Variants in SGCZ observed in about 807,000 individuals in gnomAD.
The protein encoded by SGCZ is zeta-sarcoglycan.
A neutral mutation model predicts 41.3 loss-of-function variants in SGCZ; 40 were observed. The ratio of observed to expected loss-of-function variants is 0.97; its 90% CI spans 0.75 to 1.26. SGCZ has a LOEUF of 1.26. SGCZ is among the 50% of genes most tolerant of loss of function. The pLI is 0.00. For missense variants in SGCZ, 552 were observed against 369.8 expected (o/e 1.49, Z -4.04); for synonymous variants, 206 against 137.5 (o/e 1.50, Z -3.49).
intron 2 of SGCZ, among the ~76,000 whole-genome samples, chr8:14,377,424 C>T (rs987464752): frequency 1.3e-5 from 2 of 151,986 alleles, no homozygotes; most frequent in Non-Finnish European, 2.9e-5. Flanking sequence ...AAGTAAACTG[C>T]TTTCCTGAGC....
chr8:14,873,973 C>T (rs1804257326), intron 1 of SGCZ, among the ~76,000 whole-genome samples: 1 of 152,056 alleles, frequency 6.6e-6, no homozygotes, highest in East Asian at 1.9e-4. Flanking sequence ...CTTGAAGTCT[C>T]TGTAGTCATA....
At chr8:14,862,717 G>C (rs2130683577) in intron 1 of SGCZ, among the ~76,000 whole-genome samples, 1 of 151,540 alleles carries the variant, frequency 6.6e-6, no homozygotes, top group Non-Finnish European at 1.5e-5. Flanking sequence ...AAATAATGTA[G>C]TGATTATAAT....
chr8:14,726,922 A>G (rs537714280), intron 1 of SGCZ, among the ~76,000 whole-genome samples: 17 of 152,298 alleles, frequency 1.1e-4, no homozygotes, highest in South Asian at 4.1e-4. Flanking sequence ...TAAAAAACTT[A>G]TGAGCTTCAC....
chr8:14,974,087 T>A (rs531016332), intron 1 of SGCZ, among the ~76,000 whole-genome samples: 2 of 152,332 alleles, frequency 1.3e-5, no homozygotes, highest in African/African-American at 4.8e-5. Context: ...CTTGAGCAAA[T>A]CTTTTTACTT....
At chr8:14,289,910 C>G (rs6530751) in intron 3 of SGCZ, among the ~76,000 whole-genome samples, 108,773 of 151,370 alleles carry the variant, frequency 0.72, 40,218 homozygotes, top group Non-Finnish European at 0.8. Flanking sequence ...TACAGTCATA[C>G]CAGAACATGA....
Position 14,591,538 on chromosome 8 carries a change from T to C in SGCZ, c.40-36612A>G, listed in dbSNP as rs139398625. Among the ~76,000 whole-genome samples, 433 of 152,174 alleles carry C rather than the reference T, an allele frequency of 2.8e-3. 3 individuals are homozygous for C. Among genetic ancestry groups the C allele is most frequent in the African/African-American group, 1.0e-2 (415 of 41,560 alleles). On this transcript the variant is annotated intron_variant, in intron 1 of 7. Coordinates refer to ENST00000382080, the MANE Select transcript of SGCZ (RefSeq NM_139167.4). The stretch of plus-strand genomic sequence containing the variant: ...CTCGAAATATAAAATATACACAAAA[T>C]AGTTTGTGATGTAAGCACAATATTT...
intron 4 of SGCZ, among the ~76,000 whole-genome samples, chr8:14,186,058 C>T (rs2117034714): frequency 6.6e-6 from 1 of 152,234 alleles, no homozygotes; most frequent in South Asian, 2.1e-4. Flanking sequence ...TTTTTTCCTT[C>T]TATAATCCTC....
chr8:14,832,870 G>A (rs1394884782), intron 1 of SGCZ, among the ~76,000 whole-genome samples: 4 of 152,048 alleles, frequency 2.6e-5, no homozygotes, highest in Non-Finnish European at 5.9e-5. Flanking sequence ...TAGGTAGGAT[G>A]TTTTAATAGG....
chr8:14,546,452 T>A (rs1284767517), intron 2 of SGCZ, among the ~76,000 whole-genome samples: 1 of 152,156 alleles, frequency 6.6e-6, no homozygotes, highest in African/African-American at 2.4e-5. Flanking sequence ...AGGGATAAAA[T>A]AGCTTTCTGA....
At chr8:14,712,340 T>G (rs953791831) in intron 1 of SGCZ, among the ~76,000 whole-genome samples, 8 of 152,204 alleles carry the variant, frequency 5.3e-5, no homozygotes, top group African/African-American at 1.7e-4. Context: ...GAATTGTAAT[T>G]ACTTTTAAAG....
At chr8:14,812,233 G>A (rs2130540703) in intron 1 of SGCZ, among the ~76,000 whole-genome samples, 1 of 151,892 alleles carries the variant, frequency 6.6e-6, no homozygotes, top group Non-Finnish European at 1.5e-5. Context: ...ATATTTACTT[G>A]TAAATCAATT....
At chr8:14,310,505 T>G (rs1044187958) in intron 3 of SGCZ, among the ~76,000 whole-genome samples, 1 of 152,072 alleles carries the variant, frequency 6.6e-6, no homozygotes, top group Admixed American at 6.6e-5. Flanking sequence ...TTTTGTATCT[T>G]TTTTTTATTT....
At chr8:14,438,175 A>G (rs1006413777) in intron 2 of SGCZ, among the ~76,000 whole-genome samples, 1 of 152,060 alleles carries the variant, frequency 6.6e-6, no homozygotes, top group African/African-American at 2.4e-5. Flanking sequence ...GCATGTTGTA[A>G]AAATAAGGTG....
chr8:14,467,769 C>G (rs956149620), intron 2 of SGCZ, among the ~76,000 whole-genome samples: 2 of 152,094 alleles, frequency 1.3e-5, no homozygotes, highest in East Asian at 3.9e-4. Context: ...ACATATAACA[C>G]TCCTAGAGCA....
At chr8:14,396,180 G>A (rs986940679) in intron 2 of SGCZ, among the ~76,000 whole-genome samples, 4 of 152,048 alleles carry the variant, frequency 2.6e-5, no homozygotes, top group African/African-American at 9.7e-5. Flanking sequence ...GATTATTTAA[G>A]TCCTCAGTAA....
intron 1 of SGCZ, among the ~76,000 whole-genome samples, chr8:14,921,282 G>A (rs1407324621): frequency 1.3e-5 from 2 of 152,120 alleles, no homozygotes; most frequent in Admixed American, 1.3e-4. Flanking sequence ...CTATGAGGTT[G>A]TCAAAGTTCT....
chr8:14,115,823 T>A (rs916365260), intron 5 of SGCZ, among the ~76,000 whole-genome samples: 44 of 152,050 alleles, frequency 2.9e-4, no homozygotes, highest in African/African-American at 1.0e-3. Flanking sequence ...ATTAGTAAAT[T>A]CCTTAATCCT....
intron 1 of SGCZ, among the ~76,000 whole-genome samples, chr8:14,586,764 G>A (rs1057093032): frequency 5.3e-5 from 8 of 151,904 alleles, no homozygotes; most frequent in African/African-American, 4.8e-5. Context: ...AAATATCTAC[G>A]TTTTAAGCAT....
rs186692347 is a variant in SGCZ, at chr8:14,995,307, G to A, written c.39+242278C>T. Among the ~76,000 whole-genome samples the A allele has an allele frequency of 1.2e-4, 19 of 152,352 alleles. No homozygotes were observed. In the East Asian group the frequency reaches 3.1e-3, roughly 25 times the overall value. On this transcript the variant is annotated intron_variant, in intron 1 of 7. Transcript: ENST00000382080. The stretch of plus-strand genomic sequence containing the variant: ...TAATAAATGAATGAAGAAGTGTGGG[G>A]ATGATGACCTGATCAAAGATGACGG...
Sources: allele counts gnomAD v4.1 joint callset (sites outside exome capture counted in the v4.1 genomes callset), GRCh38; gene constraint gnomAD v4.1.1; transcripts MANE v1.5; gene names NCBI Gene and HGNC (gene_info 2026-07-23, HGNC 2026-07-21).